GRIN2A: variants seen among roughly 807,000 people sequenced by gnomAD.
GRIN2A encodes glutamate ionotropic receptor NMDA type subunit 2A.
A neutral mutation model predicts 113.4 loss-of-function variants in GRIN2A; 22 were observed. That is an observed-to-expected ratio of 0.19 (90% CI 0.14 to 0.28). The LOEUF (loss-of-function observed/expected upper bound fraction) is 0.28, where lower values mean the gene tolerates loss of function less well. Ranked by LOEUF, GRIN2A falls within the 10% of genes least tolerant of loss-of-function variation. The pLI is 1.00. For synonymous variants in GRIN2A, 827 were observed against 738.4 expected, an observed-to-expected ratio of 1.12 and a Z score of -1.94; for missense variants, 1,502 against 1,887.0, an observed-to-expected ratio of 0.80 and a Z score of 3.78.
chr16:10,113,789 T>C (rs1004672948), intron 2 of GRIN2A, among the ~76,000 whole-genome samples: 3 of 152,240 alleles, frequency 2.0e-5, no homozygotes, highest in African/African-American at 7.2e-5. Context: ...AATGCCATTA[T>C]TGTTTAATAT....
chr16:9,977,113 G>C (rs2141759494), intron 2 of GRIN2A, among the ~76,000 whole-genome samples: 2 of 152,238 alleles, frequency 1.3e-5, no homozygotes, highest in East Asian at 3.9e-4. Flanking sequence ...TCTAAAGCTG[G>C]CATGCAAGAC....
intron 11 of GRIN2A, among the ~76,000 whole-genome samples, chr16:9,790,576 TTATAA>T (rs1169184237): frequency 3.9e-5 from 6 of 152,354 alleles, no homozygotes; most frequent in Admixed American, 3.3e-4. Context: ...TATTTGACTA[TTATAA>T]TATACAAATA....
chr16:9,954,607 G>A (rs1055759536), intron 2 of GRIN2A, among the ~76,000 whole-genome samples: 1 of 152,112 alleles, frequency 6.6e-6, no homozygotes, highest in African/African-American at 2.4e-5. Flanking sequence ...ACACAAGATG[G>A]TGATTAGACA....
At chr16:9,955,093 C>T (rs529524137) in intron 2 of GRIN2A, among the ~76,000 whole-genome samples, 7 of 152,316 alleles carry the variant, frequency 4.6e-5, no homozygotes, top group African/African-American at 1.4e-4. Flanking sequence ...TTGCCTGAGT[C>T]AAGGCGAGGG....
intron 3 of GRIN2A, chr16:9,937,738 G>A (rs2044745828): frequency 3.5e-6 from 2 of 578,856 alleles, no homozygotes; most frequent in Middle Eastern, 4.7e-4. Flanking sequence ...ATATTGTTGA[G>A]TAGAAAAAAA....
chr16:9,981,815 C>T (rs1306936473), intron 2 of GRIN2A, among the ~76,000 whole-genome samples: 7 of 152,120 alleles, frequency 4.6e-5, no homozygotes, highest in Non-Finnish European at 8.8e-5. Context: ...TTGAGACAGT[C>T]TTGCTCTTTT....
intron 11 of GRIN2A, among the ~76,000 whole-genome samples, chr16:9,796,652 G>C (rs1487007496): frequency 6.6e-6 from 1 of 152,202 alleles, no homozygotes; most frequent in African/African-American, 2.4e-5. Context: ...GCCAGGAAAA[G>C]AGCTTCCCCA....
intron 9 of GRIN2A, among the ~76,000 whole-genome samples, chr16:9,827,324 T>C (rs2042405344): frequency 6.6e-6 from 1 of 152,204 alleles, no homozygotes. Flanking sequence ...GCGGGGATCT[T>C]ACAGTAGCTG....
At position 9,765,091 on chromosome 16, in the gene GRIN2A, G is replaced by A. The variant is rs755964020; in HGVS notation, c.2596-143C>T. On this transcript the variant is annotated intron_variant, in intron 12 of 12. Coordinates refer to ENST00000330684, the MANE Select transcript of GRIN2A (RefSeq NM_001134407.3). ...AACAGCAAAATTCAGTCTGAATCCT[G>A]ATAATGTCTCTTAAAGGTATGAGAC... 5 of 1,011,170 alleles carry A rather than the reference G, an allele frequency of 4.9e-6. 1 individual carries two copies. Among genetic ancestry groups the A allele is most frequent in the Non-Finnish European group, 7.6e-6 (5 of 659,522 alleles). 62.6% of individuals were successfully genotyped at this position (1,011,170 alleles called of 1,614,324 possible). A position where few individuals can be genotyped will look rare whatever the true frequency, so the allele number is the denominator to read the frequency against.
chr16:10,053,840 C>A (rs1387600596), intron 2 of GRIN2A, among the ~76,000 whole-genome samples: 3 of 151,786 alleles, frequency 2.0e-5, no homozygotes, highest in Non-Finnish European at 4.4e-5. Context: ...TATGGAATGA[C>A]AATAAGAAGT....
At chr16:9,855,983 C>G (rs1027775261) in intron 4 of GRIN2A, among the ~76,000 whole-genome samples, 1 of 152,194 alleles carries the variant, frequency 6.6e-6, no homozygotes, top group East Asian at 1.9e-4. Context: ...CAAATCCTGA[C>G]TTGTCCATTC....
intron 2 of GRIN2A, among the ~76,000 whole-genome samples, chr16:10,124,489 C>G (rs916446532): frequency 6.6e-6 from 1 of 152,016 alleles, no homozygotes; most frequent in Admixed American, 6.6e-5. Context: ...TTTGTTTATC[C>G]GGGCAAGCGG....
At chr16:10,065,335 C>G (rs1185328930) in intron 2 of GRIN2A, among the ~76,000 whole-genome samples, 1 of 152,174 alleles carries the variant, frequency 6.6e-6, no homozygotes, top group African/African-American at 2.4e-5. Context: ...CAACCCAGAG[C>G]ATCTACTCTT....
chr16:10,051,919 C>T (rs953579132), intron 2 of GRIN2A, among the ~76,000 whole-genome samples: 21 of 152,176 alleles, frequency 1.4e-4, no homozygotes, highest in African/African-American at 3.6e-4. Flanking sequence ...TGCACTGTTA[C>T]GTGGGCACCA....
intron 2 of GRIN2A, among the ~76,000 whole-genome samples, chr16:10,144,920 CAAAAAAA>C (rs58751267): frequency 8.4e-5 from 5 of 59,416 alleles, no homozygotes; most frequent in African/African-American, 1.9e-4. Flanking sequence ...GACCCTGTCT[CAAAAAAA>C]AAAAAAAAAA....
At chr16:9,813,178 A>T (rs1260283488) in intron 10 of GRIN2A, among the ~76,000 whole-genome samples, 2 of 152,252 alleles carry the variant, frequency 1.3e-5, no homozygotes, top group African/African-American at 4.8e-5. Flanking sequence ...AGTAAAAGCT[A>T]AATTAATTAA....
intron 2 of GRIN2A, among the ~76,000 whole-genome samples, chr16:10,117,661 TG>T (rs1350516422): frequency 3.3e-5 from 5 of 152,202 alleles, no homozygotes; most frequent in Non-Finnish European, 7.4e-5. Flanking sequence ...GTTCCAGCAC[TG>T]AACCATATGC....
chr16:10,140,788 C>G (rs1417917738), intron 2 of GRIN2A, among the ~76,000 whole-genome samples: 1 of 152,208 alleles, frequency 6.6e-6, no homozygotes, highest in African/African-American at 2.4e-5. Context: ...AGGAAGTGGA[C>G]TCTGCACTCT....
Position 10,180,748 on chromosome 16 carries a change from C to A in GRIN2A, c.-18-319G>T. 1 of 483,106 alleles carries A rather than the reference C, an allele frequency of 2.1e-6. No individual in the cohort carries two copies. Among genetic ancestry groups the A allele is most frequent in the East Asian group, 3.9e-5 (1 of 25,792 alleles). The allele number at this position is 483,106 out of a possible 1,614,324, so 29.9% of individuals were successfully genotyped here. ...CCCCCACCGCATTCCCCAAGTTCGC[C>A]GCGGGCCACAGACCCTAAGCGCCGC... On this transcript the variant is annotated intron_variant, in intron 1 of 12. Transcript: ENST00000330684. The surrounding 1 kb of genome is among the most constrained non-coding windows in gnomAD (Gnocchi z 7.0).
Sources: allele counts gnomAD v4.1 joint callset (sites outside exome capture counted in the v4.1 genomes callset), GRCh38; gene constraint gnomAD v4.1.1; non-coding constraint Gnocchi (gnomAD v3.1); transcripts MANE v1.5; gene names NCBI Gene and HGNC (gene_info 2026-07-23, HGNC 2026-07-21).